Variants in AOPEP observed in about 807,000 individuals in gnomAD.
AOPEP encodes the protein aminopeptidase O (putative).
A neutral mutation model predicts 98.1 loss-of-function variants in AOPEP; 77 were observed. The observed-to-expected ratio is 0.78, with a 90% CI of 0.65 to 0.95. The LOEUF (loss-of-function observed/expected upper bound fraction) is 0.95. AOPEP is among the 40% of genes least tolerant of loss of function. The probability of loss-of-function intolerance (pLI) is 0.00; values close to 1 mark genes in which losing one functional copy is unlikely to be tolerated. For synonymous variants in AOPEP, 346 were observed against 365.3 expected (o/e 0.95, Z 0.60); for missense variants, 1,024 against 1,024.7 (o/e 1.00, Z 0.01).
chr9:94,792,830 G>T lies in AOPEP; in HGVS notation c.1030G>T (p.Gly344Ter). ...AGCCTCCACCTTCACAATTGCAGTG[G>T]GATGCTGGACAGAAATGAAGATGGA... ...MPASTFTIAV[G>*]CWTEMKMETW... The change falls in exon 4 of 17, where the codon GGA (glycine) becomes TGA (stop). Residue 344 changes from glycine to a stop codon, truncating the protein, a stop_gained. Transcript: ENST00000375315. LOFTEE classifies it high-confidence loss of function. 6.2e-7 allele frequency: 1 copy of T among 1,613,712 alleles called. No individual in the cohort carries two copies. The highest frequency in any genetic ancestry group is 8.5e-7 in the Non-Finnish European group (1 of 1,179,754).
chr9:94,906,593 A>G (rs979394998), intron 5 of AOPEP, among the ~76,000 whole-genome samples: 1 of 152,112 alleles, frequency 6.6e-6, no homozygotes, highest in Non-Finnish European at 1.5e-5. Flanking sequence ...GCTTGAGCCC[A>G]GGAGTTCAAG....
intron 9 of AOPEP, among the ~76,000 whole-genome samples, chr9:94,964,251 A>C (rs1403864544): frequency 6.6e-6 from 1 of 152,134 alleles, no homozygotes; most frequent in East Asian, 1.9e-4. Context: ...TGCAGGCCTG[A>C]GCTCTGAGGT....
chr9:95,024,791 CA>C (rs1309977656), intron 13 of AOPEP, among the ~76,000 whole-genome samples: 23 of 152,206 alleles, frequency 1.5e-4, no homozygotes, highest in African/African-American at 5.1e-4. Context: ...TCTTCCACAG[CA>C]TTTCACTTTT....
chr9:94,928,317 AG>A, intron 6 of AOPEP, 107 bp from the exon 7 acceptor site: 1 of 763,436 alleles, frequency 1.3e-6, no homozygotes, highest in South Asian at 1.8e-5. Context: ...AGGTGAGAGC[AG>A]GGGCAGGCTA....
the AOPEP span, chr9:95,099,461 C>A: frequency 2.2e-5 from 5 of 226,808 alleles, no homozygotes; most frequent in Non-Finnish European, 4.3e-5. Context: ...TCTCGGATGC[C>A]ATTCCTTCCC....
intron 13 of AOPEP, among the ~76,000 whole-genome samples, chr9:95,032,995 G>T (rs975711702): frequency 6.6e-6 from 1 of 152,168 alleles, no homozygotes; most frequent in Non-Finnish European, 1.5e-5. Flanking sequence ...TTTTGGGATG[G>T]CCACGTATTG....
chr9:94,805,977 G>A (rs1849179234), intron 5 of AOPEP, among the ~76,000 whole-genome samples: 1 of 152,268 alleles, frequency 6.6e-6, no homozygotes, highest in East Asian at 1.9e-4. Flanking sequence ...AAGTAGCAAG[G>A]TTTCACAGCT....
chr9:94,956,467 A>C (rs1353574375), intron 9 of AOPEP, among the ~76,000 whole-genome samples: 1 of 152,116 alleles, frequency 6.6e-6, no homozygotes, highest in Non-Finnish European at 1.5e-5. Flanking sequence ...TCATGGGGCT[A>C]TTTGTTTCTT....
intron 11 of AOPEP, among the ~76,000 whole-genome samples, chr9:94,999,778 A>G (rs2061444252): frequency 6.6e-6 from 1 of 151,006 alleles, no homozygotes; most frequent in South Asian, 2.1e-4. Context: ...CATCCTGACA[A>G]TTGGGGTGTG....
chr9:94,948,332 G>T (rs759931408), intron 7 of AOPEP, among the ~76,000 whole-genome samples: 9 of 151,850 alleles, frequency 5.9e-5, no homozygotes, highest in Middle Eastern at 3.2e-3. Context: ...GCTCACCGTT[G>T]CATGCTCTCC....
In AOPEP at chr9:95,049,027, G is replaced by C. The variant is rs987560735; in HGVS notation, c.2116-11667G>C. The C allele has an allele frequency of 2.4e-4, 36 of 152,386 alleles. No individual in the cohort carries two copies. The East Asian group carries it at 7.0e-3, about 30-fold the overall frequency. 9.4% of individuals were successfully genotyped at this position (152,386 alleles called of 1,614,324 possible). On this transcript the variant is annotated intron_variant, in intron 13 of 16. Transcript: ENST00000375315. ...CTCTAGACTCCGGCTCCAGGGGAGA[G>C]GGCTGGGCTCCACAGAGAGGAGCAG... is the stretch of plus-strand genomic sequence containing the variant.
At chr9:94,791,101 G>A (rs1365430783) in intron 3 of AOPEP, among the ~76,000 whole-genome samples, 2 of 152,130 alleles carry the variant, frequency 1.3e-5, no homozygotes, top group South Asian at 4.2e-4. Flanking sequence ...AATGCCCATC[G>A]ATGTTAGACT....
rs187772192 is a variant in AOPEP, at chr9:94,918,154, C to G, written c.1365-5832C>G. Among the ~76,000 whole-genome samples the G allele has an allele frequency of 5.9e-5, 9 of 152,318 alleles. No individual in the cohort carries two copies. The East Asian group carries it at 1.7e-3, about 29-fold the overall frequency. On this transcript the variant is annotated intron_variant, in intron 5 of 16. Transcript: ENST00000375315. ...GTGTGTCACCCTCCTGGGGACTGAC[C>G]TAAGTACCTTTGTAAGGGCTTGTCT...
chr9:95,082,559 CCT>C lies in AOPEP; in HGVS notation c.2320-13_2320-12del, dbSNP rs2069948623. 6.2e-7 allele frequency: 1 copy of C among 1,613,546 alleles called. No homozygotes were observed. The highest frequency in any genetic ancestry group is 1.3e-5 in the African/African-American group (1 of 75,046). ...CACACCTTCGCCTGATGCCCTTTGGCCTCTGTGCCCTGCAGGCCATGGGTGTG... is the reference window on the plus strand; with the variant it reads ...CACACCTTCGCCTGATGCCCTTTGGCCTGTGCCCTGCAGGCCATGGGTGTG... On this transcript the variant is annotated splice_polypyrimidine_tract_variant and intron_variant, in intron 15 of 16. Coordinates refer to ENST00000375315, the MANE Select transcript of AOPEP (RefSeq NM_001193329.3).
At chr9:94,938,294 C>T (rs189929502) in intron 7 of AOPEP, among the ~76,000 whole-genome samples, 10 of 152,246 alleles carry the variant, frequency 6.6e-5, no homozygotes, top group Middle Eastern at 3.4e-3. Flanking sequence ...GAGGGTGCTC[C>T]GTGAGTGTTG....
intron 5 of AOPEP, among the ~76,000 whole-genome samples, chr9:94,899,341 C>T (rs1255723564): frequency 2.7e-5 from 4 of 148,400 alleles, no homozygotes; most frequent in South Asian, 2.2e-4. Context: ...CCCGCCACCA[C>T]GCCCGGCTAT....
At chr9:95,108,115 G>A in the AOPEP span, among the ~76,000 whole-genome samples, 1 of 152,188 alleles carries the variant, frequency 6.6e-6, no homozygotes, top group South Asian at 2.1e-4. Context: ...TCCCATGACC[G>A]ATTTTATGGA....
At chr9:94,783,229 T>C (rs1246669754) in intron 3 of AOPEP, among the ~76,000 whole-genome samples, 2 of 152,208 alleles carry the variant, frequency 1.3e-5, no homozygotes, top group African/African-American at 4.8e-5. Context: ...GTTCAGCAGA[T>C]GGCGCTCTTT....
intron 13 of AOPEP, among the ~76,000 whole-genome samples, chr9:95,055,963 GGAA>G (rs960602969): frequency 2.8e-4 from 43 of 151,176 alleles, no homozygotes; most frequent in African/African-American, 1.0e-3. Flanking sequence ...ATGCTTTTCT[GGAA>G]GAAGAATGCT....
Sources: allele counts gnomAD v4.1 joint callset (sites outside exome capture counted in the v4.1 genomes callset), GRCh38; gene constraint gnomAD v4.1.1; transcripts MANE v1.5; gene names NCBI Gene and HGNC (gene_info 2026-07-23, HGNC 2026-07-21).